Variants in TPRG1 observed in about 807,000 individuals in gnomAD.
The protein encoded by TPRG1 is tumor protein p63 regulated 1.
TPRG1 carries 29 observed loss-of-function variants against 29.3 expected under a neutral mutation model. The ratio of observed to expected loss-of-function variants is 0.99; its 90% confidence interval spans 0.74 to 1.35. TPRG1 has a LOEUF of 1.35. TPRG1 is among the 40% of genes most tolerant of loss of function. The pLI is 0.00. For synonymous variants in TPRG1, 130 were observed against 116.8 expected (o/e 1.11, Z -0.73); for missense variants, 327 against 335.0 (o/e 0.98, Z 0.19).
In TPRG1 at chr3:189,038,847, C is replaced by T. The variant is rs186285499; in HGVS notation, c.-463+14901C>T. ...TTCACAGAAGGGCAAACCCAAATTACTTACATGCTCATGAAGACATCCCCA... is the reference window on the plus strand; with the variant it reads ...TTCACAGAAGGGCAAACCCAAATTATTTACATGCTCATGAAGACATCCCCA... On this transcript the variant is annotated intron_variant, in intron 4 of 10. Coordinates refer to the TPRG1 transcript ENST00000433971. Among the ~76,000 whole-genome samples, 15 of 148,932 alleles carry T rather than the reference C, an allele frequency of 1.0e-4. No individual in the cohort carries two copies. The East Asian group carries it at 2.9e-3, about 29-fold the overall frequency.
chr3:189,099,961 T>G (rs1718993306), upstream of TPRG1, among the ~76,000 whole-genome samples: 2 of 152,322 alleles, frequency 1.3e-5, no homozygotes. Flanking sequence ...AGGTCCATCA[T>G]GCCTAAATAC....
At chr3:189,263,265 G>T (rs1409804236) in intron 4 of TPRG1, among the ~76,000 whole-genome samples, 1 of 152,218 alleles carries the variant, frequency 6.6e-6, no homozygotes, top group East Asian at 1.9e-4. Context: ...TTCTAAAGAA[G>T]AAATTTTGGT....
At chr3:189,290,741 G>A (rs1181450673) in intron 4 of TPRG1, among the ~76,000 whole-genome samples, 1 of 152,192 alleles carries the variant, frequency 6.6e-6, no homozygotes, top group African/African-American at 2.4e-5. Flanking sequence ...TTGCAGATGT[G>A]TTTTGAATGA....
chr3:189,022,816 C>T (rs966078721), intron 3 of TPRG1, among the ~76,000 whole-genome samples: 12 of 152,240 alleles, frequency 7.9e-5, no homozygotes, highest in African/African-American at 2.9e-4. Flanking sequence ...GGCGGGCGCC[C>T]CTCCCCCAGC....
At chr3:189,109,777 C>A (rs145056667) in intron 1 of TPRG1, among the ~76,000 whole-genome samples, 138 of 152,260 alleles carry the variant, frequency 9.1e-4, no homozygotes, top group African/African-American at 3.1e-3. Flanking sequence ...ACAACCACCA[C>A]AATCAACATG....
At chr3:189,008,787 GC>G (rs1712443855) in intron 3 of TPRG1, among the ~76,000 whole-genome samples, 1 of 152,158 alleles carries the variant, frequency 6.6e-6, no homozygotes, top group Non-Finnish European at 1.5e-5. Flanking sequence ...AAAGGAAACA[GC>G]CATCGGGCTA....
chr3:189,011,256 G>A (rs1712582189), intron 3 of TPRG1, among the ~76,000 whole-genome samples: 1 of 151,858 alleles, frequency 6.6e-6, no homozygotes, highest in South Asian at 2.1e-4. Context: ...CTCTTTTTTT[G>A]TTCCATATGA....
chr3:189,157,367 A>G (rs1310084977), intron 5 of TPRG1, among the ~76,000 whole-genome samples: 1 of 152,062 alleles, frequency 6.6e-6, no homozygotes, highest in Admixed American at 6.5e-5. Flanking sequence ...CCTTACTTCT[A>G]TTCCGAGTGG....
intron 3 of TPRG1, among the ~76,000 whole-genome samples, chr3:189,136,196 T>C (rs902948683): frequency 3.3e-5 from 5 of 152,210 alleles, no homozygotes; most frequent in African/African-American, 1.2e-4. Context: ...AGTACAGTGT[T>C]CAGCCTCTTC....
Position 189,126,668 on chromosome 3 carries a change from G to A in TPRG1, c.-743-389G>A, listed in dbSNP as rs117553455. The stretch of plus-strand genomic sequence containing the variant: ...CTATGACCTTGTATAATTTGCTTAA[G>A]CTTGCTGAGCTTAGATCTACTCATT... On this transcript the variant is annotated intron_variant, in intron 1 of 6. Coordinates refer to the TPRG1 transcript ENST00000412373. 7.8e-4 allele frequency among the ~76,000 whole-genome samples: 119 copies of A among 152,264 alleles called. 2 individuals carry two copies. The East Asian group carries it at 0.02, about 26-fold the overall frequency.
intron 3 of TPRG1, among the ~76,000 whole-genome samples, chr3:189,016,669 C>T (rs1349257939): frequency 6.6e-6 from 1 of 152,038 alleles, no homozygotes; most frequent in African/African-American, 2.4e-5. Context: ...GGACTCCTAT[C>T]TTGCTATTCT....
rs972373895 is a variant in TPRG1, at chr3:189,250,084, C to A, written c.479+11175C>A. 5.3e-5 allele frequency among the ~76,000 whole-genome samples: 8 copies of A among 152,258 alleles called. 2 individuals carry two copies. Among genetic ancestry groups the A allele is most frequent in the East Asian group, 3.9e-4 (2 of 5,188 alleles). ...ATGGAATATTATATTTCCCATGAGA[C>A]ATCCAATTGTTACCACTGGGGACTG... On this transcript the variant is annotated intron_variant, in intron 4 of 5. Transcript: ENST00000345063.
At chr3:189,084,185 G>A (rs78177187) in intron 4 of TPRG1, among the ~76,000 whole-genome samples, 14,028 of 151,940 alleles carry the variant, frequency 0.092, 825 homozygotes, top group African/African-American at 0.17. Context: ...TGTACCATGC[G>A]TTGAAGACAT....
chr3:189,052,765 T>G (rs1032976915), intron 4 of TPRG1, among the ~76,000 whole-genome samples: 11 of 152,138 alleles, frequency 7.2e-5, no homozygotes, highest in African/African-American at 2.4e-4. Flanking sequence ...TAAAAAGGAA[T>G]GAATTAACAG....
upstream of TPRG1, among the ~76,000 whole-genome samples, chr3:189,171,637 T>A (rs1028648692): frequency 6.6e-6 from 1 of 152,134 alleles, no homozygotes; most frequent in African/African-American, 2.4e-5. Flanking sequence ...ATCACAAATA[T>A]CCAATAAATC....
intron 3 of TPRG1, among the ~76,000 whole-genome samples, chr3:189,237,068 A>G (rs1739601038): frequency 6.6e-6 from 1 of 152,196 alleles, no homozygotes; most frequent in Non-Finnish European, 1.5e-5. Context: ...GGCCATAGAA[A>G]GGTTAAAAGT....
chr3:189,227,927 G>C (rs1163370447), intron 3 of TPRG1, among the ~76,000 whole-genome samples: 1 of 152,162 alleles, frequency 6.6e-6, no homozygotes, highest in African/African-American at 2.4e-5. Context: ...TTCGCGACCA[G>C]CCTGGACAAC....
intron 4 of TPRG1, among the ~76,000 whole-genome samples, chr3:189,279,448 C>T (rs1716728338): frequency 6.6e-6 from 1 of 152,164 alleles, no homozygotes. Context: ...GGATTATTGT[C>T]TTTGGAGTCA....
intron 1 of TPRG1, among the ~76,000 whole-genome samples, chr3:189,177,016 G>C (rs1215324595): frequency 1.3e-5 from 2 of 152,180 alleles, no homozygotes; most frequent in Admixed American, 6.5e-5. Context: ...AGGATGAAGT[G>C]GGGAGAGAGG....
Sources: allele counts gnomAD v4.1 joint callset (sites outside exome capture counted in the v4.1 genomes callset), GRCh38; gene constraint gnomAD v4.1.1; transcripts MANE v1.5; gene names NCBI Gene and HGNC (gene_info 2026-07-23, HGNC 2026-07-21).